STAU1: variants seen among roughly 807,000 people sequenced by gnomAD.
The protein encoded by STAU1 is staufen double-stranded RNA binding protein 1, also known as double-stranded RNA-binding protein Staufen homolog 1.
STAU1 carries 13 observed loss-of-function variants against 62.9 expected under a neutral mutation model. The observed-to-expected ratio is 0.21, with a 90% CI of 0.13 to 0.33. STAU1 has a LOEUF of 0.33. Ranked by LOEUF, STAU1 falls within the 10% of genes least tolerant of loss-of-function variation. The probability of loss-of-function intolerance (pLI) is 1.00; values close to 1 mark genes in which losing one functional copy is unlikely to be tolerated. For synonymous variants in STAU1, 269 were observed against 265.1 expected (o/e 1.01, Z -0.14); for missense variants, 571 against 712.1 (o/e 0.80, Z 2.25).
At chr20:49,156,313 G>C (rs1248179653) in intron 3 of STAU1, among the ~76,000 whole-genome samples, 1 of 152,130 alleles carries the variant, frequency 6.6e-6, no homozygotes, top group Non-Finnish European at 1.5e-5. Context: ...CGCCTTTCCA[G>C]ATTGTCAGGC....
chr20:49,216,299 G>C, the STAU1 span, among the ~76,000 whole-genome samples: 1 of 152,022 alleles, frequency 6.6e-6, no homozygotes, highest in African/African-American at 2.4e-5. Flanking sequence ...GCCAAGGCAG[G>C]CAGATCCCTT....
intron 5 of STAU1, among the ~76,000 whole-genome samples, chr20:49,137,832 A>ATTTTTT (rs34370524): frequency 2.3e-5 from 3 of 128,436 alleles, no homozygotes; most frequent in African/African-American, 2.9e-5. Context: ...CACCCGGCTA[A>ATTTTTT]TTTTTTTTTT....
the STAU1 span, among the ~76,000 whole-genome samples, chr20:49,214,770 C>T: frequency 6.6e-6 from 1 of 152,130 alleles, no homozygotes; most frequent in East Asian, 1.9e-4. Context: ...TCTCTGACTC[C>T]ACATTGCTAA....
chr20:49,201,071 A>AAAAAAAAAAAAG, the STAU1 span, among the ~76,000 whole-genome samples: 54 of 104,598 alleles, frequency 5.2e-4, no homozygotes, highest in African/African-American at 1.1e-3. Context: ...AAAAAAAAAA[A>AAAAAAAAAAAAG]AAGAAGAAGA....
intron 2 of STAU1, among the ~76,000 whole-genome samples, chr20:49,167,788 C>T (rs895728221): frequency 6.6e-6 from 1 of 152,158 alleles, no homozygotes; most frequent in African/African-American, 2.4e-5. Context: ...CCTTTTCCTG[C>T]TTTTTGTAAA....
upstream of STAU1, among the ~76,000 whole-genome samples, chr20:49,192,705 G>A (rs1318795393): frequency 1.3e-5 from 2 of 152,170 alleles, no homozygotes; most frequent in African/African-American, 4.8e-5. Flanking sequence ...GGAGGCTGAA[G>A]TGGGAGAATC....
At chr20:49,214,509 T>G in the STAU1 span, among the ~76,000 whole-genome samples, 1 of 99,740 alleles carries the variant, frequency 1.0e-5, no homozygotes, top group Admixed American at 1.2e-4. Flanking sequence ...CAGAGTGAGA[T>G]TCCGTCTCAA....
chr20:49,191,617 G>A (rs1191299125), upstream of STAU1, among the ~76,000 whole-genome samples: 1 of 152,170 alleles, frequency 6.6e-6, no homozygotes, highest in Non-Finnish European at 1.5e-5. Context: ...GTATGTCAGG[G>A]TCACCTGTGG....
At chr20:49,187,787 C>CG (rs1481092817) in intron 1 of STAU1, among the ~76,000 whole-genome samples, 3 of 150,956 alleles carry the variant, frequency 2.0e-5, no homozygotes, top group East Asian at 4.0e-4. Context: ...CCCCCCCCCC[C>CG]CGCCTGCGCC....
chr20:49,148,957 TAAC>T (rs764766955), intron 5 of STAU1, among the ~76,000 whole-genome samples: 1 of 151,904 alleles, frequency 6.6e-6, no homozygotes, highest in East Asian at 1.9e-4. Flanking sequence ...AAGAGCTCAT[TAAC>T]AACAACATGG....
chr20:49,122,385 G>A (rs956602251), intron 8 of STAU1, among the ~76,000 whole-genome samples: 1 of 152,158 alleles, frequency 6.6e-6, no homozygotes, highest in African/African-American at 2.4e-5. Flanking sequence ...AAACCTTCAA[G>A]GAGATGTAAT....
chr20:49,186,328 A>G (rs955666979), intron 1 of STAU1, among the ~76,000 whole-genome samples: 1 of 151,782 alleles, frequency 6.6e-6, no homozygotes, highest in African/African-American at 2.4e-5. Flanking sequence ...CCTGGGCGAC[A>G]GCGTGAGACT....
chr20:49,153,402 T>A (rs1199153572), intron 4 of STAU1, among the ~76,000 whole-genome samples: 9 of 129,874 alleles, frequency 6.9e-5, no homozygotes, highest in African/African-American at 1.2e-4. Flanking sequence ...CTCAATGAAT[T>A]AAAAAAAAAA....
intron 5 of STAU1, among the ~76,000 whole-genome samples, chr20:49,139,752 T>C (rs1315526910): frequency 1.3e-5 from 2 of 151,526 alleles, no homozygotes; most frequent in African/African-American, 4.8e-5. Context: ...CACAGTAAGA[T>C]ACCACTCACA....
intron 5 of STAU1, 56 bp downstream of exon 5, chr20:49,151,526 C>A: frequency 6.8e-7 from 1 of 1,479,108 alleles, no homozygotes; most frequent in Non-Finnish European, 8.9e-7. Context: ...GGTGACATCT[C>A]CCCACTACCC....
intron 6 of STAU1, among the ~76,000 whole-genome samples, chr20:49,129,434 C>A (rs2092705386): frequency 6.6e-6 from 1 of 151,124 alleles, no homozygotes; most frequent in Admixed American, 6.6e-5. Flanking sequence ...ACTACAGGTG[C>A]ACACAACCAT....
chr20:49,212,331 T>C, the STAU1 span, among the ~76,000 whole-genome samples: 2 of 152,138 alleles, frequency 1.3e-5, no homozygotes. Flanking sequence ...TATATCTTCT[T>C]TGGAGAAATT....
At chr20:49,215,297 G>A in the STAU1 span, among the ~76,000 whole-genome samples, 165 of 152,240 alleles carry the variant, frequency 1.1e-3, no homozygotes, top group Non-Finnish European at 2.1e-3. Context: ...CATGCCTCAG[G>A]CCCCTCTTGT....
At chr20:49,118,899 C>T (rs2092397416) in intron 9 of STAU1, among the ~76,000 whole-genome samples, 1 of 152,138 alleles carries the variant, frequency 6.6e-6, no homozygotes, top group Non-Finnish European at 1.5e-5. Flanking sequence ...ACAACATCAC[C>T]TTTCTAAGAA....
Sources: gnomAD v4.1 joint callset for allele counts (sites outside exome capture counted in the v4.1 genomes callset) on GRCh38, gnomAD v4.1.1 for gene constraint, MANE v1.5 for transcripts, NCBI Gene and HGNC (gene_info 2026-07-23, HGNC 2026-07-21) for gene names.